The following MYRIP variants were observed in gnomAD, a reference collection of about 807,000 sequenced individuals.
The protein encoded by MYRIP is myosin VIIA and Rab interacting protein.
MYRIP carries 49 observed loss-of-function variants against 98.0 expected under a neutral mutation model. That is an observed-to-expected ratio of 0.50 (90% confidence interval 0.40 to 0.63). The LOEUF (loss-of-function observed/expected upper bound fraction) is 0.63. Ranked by LOEUF, MYRIP falls within the 30% of genes least tolerant of loss-of-function variation. MYRIP has a pLI of 0.00. For missense variants in MYRIP, 1,004 were observed against 1,058.2 expected, an observed-to-expected ratio of 0.95 and a Z score of 0.71; for synonymous variants, 404 against 409.5, an observed-to-expected ratio of 0.99 and a Z score of 0.16.
intron 1 of MYRIP, among the ~76,000 whole-genome samples, chr3:39,811,053 T>C (rs1940669710): frequency 6.6e-6 from 1 of 152,126 alleles, no homozygotes; most frequent in Non-Finnish European, 1.5e-5. Flanking sequence ...CGGGTGTGAT[T>C]CTTTTACTCC....
intron 1 of MYRIP, among the ~76,000 whole-genome samples, chr3:39,887,560 C>T (rs1413029137): frequency 2.0e-5 from 3 of 152,176 alleles, no homozygotes; most frequent in African/African-American, 7.2e-5. Flanking sequence ...GACAAACCCA[C>T]AGCCAATATC....
chr3:40,012,777 C>T (rs1677580217), intron 2 of MYRIP, among the ~76,000 whole-genome samples: 1 of 152,146 alleles, frequency 6.6e-6, no homozygotes, highest in Non-Finnish European at 1.5e-5. Flanking sequence ...CATTGGCTTC[C>T]CTGGTTCTCA....
chr3:40,214,599 G>A (rs1331327705), intron 11 of MYRIP, among the ~76,000 whole-genome samples: 1 of 152,174 alleles, frequency 6.6e-6, no homozygotes, highest in Non-Finnish European at 1.5e-5. Flanking sequence ...GCTGAAGAAC[G>A]AGCTTGGAGC....
chr3:40,089,412 G>T (rs1459570447), intron 3 of MYRIP, among the ~76,000 whole-genome samples: 2 of 152,172 alleles, frequency 1.3e-5, no homozygotes, highest in Non-Finnish European at 2.9e-5. Flanking sequence ...TGCATACAGA[G>T]GCTGTTAGAA....
intron 3 of MYRIP, among the ~76,000 whole-genome samples, chr3:40,093,263 G>T (rs1948761252): frequency 6.6e-6 from 1 of 152,158 alleles, no homozygotes; most frequent in African/African-American, 2.4e-5. Context: ...GTGGCTGCAG[G>T]CTTTTTGCAG....
chr3:40,064,265 G>C (rs1948082882), intron 3 of MYRIP, among the ~76,000 whole-genome samples: 1 of 151,792 alleles, frequency 6.6e-6, no homozygotes, highest in Admixed American at 6.6e-5. Flanking sequence ...GTAAGGGCAG[G>C]AGCAGGATCC....
At chr3:40,056,944 G>T (rs1947897749) in intron 3 of MYRIP, among the ~76,000 whole-genome samples, 1 of 152,144 alleles carries the variant, frequency 6.6e-6, no homozygotes. Context: ...GTTGTTGTGA[G>T]GATTAAATCA....
At chr3:40,004,981 T>C (rs1946601811) in intron 2 of MYRIP, among the ~76,000 whole-genome samples, 1 of 152,272 alleles carries the variant, frequency 6.6e-6, no homozygotes, top group South Asian at 2.1e-4. Flanking sequence ...CATCTTCATG[T>C]CCATACTTAA....
chr3:39,926,658 A>G lies in MYRIP; in HGVS notation c.110+25732A>G, dbSNP rs375890084. Among the ~76,000 whole-genome samples, 4 of 151,906 alleles carry G rather than the reference A, an allele frequency of 2.6e-5. No individual in the cohort carries two copies. In the South Asian group the frequency reaches 8.3e-4, roughly 31 times the overall value. On this transcript the variant is annotated intron_variant, in intron 2 of 16. Transcript: ENST00000302541. ...CAGATGGTTGTAGGTGTGAGGCTCTATGTCTGGATTTTCTATTCTGTTCTG... is the reference window on the plus strand; with the variant it reads ...CAGATGGTTGTAGGTGTGAGGCTCTGTGTCTGGATTTTCTATTCTGTTCTG...
chr3:39,888,706 G>A (rs1455786793), intron 1 of MYRIP, among the ~76,000 whole-genome samples: 1 of 152,112 alleles, frequency 6.6e-6, no homozygotes, highest in Non-Finnish European at 1.5e-5. Flanking sequence ...AAGAACTTCT[G>A]CACAGCAAAA....
chr3:40,152,608 G>A (rs1950144417), intron 4 of MYRIP, among the ~76,000 whole-genome samples: 1 of 152,152 alleles, frequency 6.6e-6, no homozygotes, highest in African/African-American at 2.4e-5. Context: ...GATTGAAGCA[G>A]CTTTAGGTGC....
rs147358655 is a variant in MYRIP, at chr3:40,229,374, G to A, written c.1906-4485G>A. Among the ~76,000 whole-genome samples the A allele has an allele frequency of 4.1e-3, 618 of 152,122 alleles. 2 individuals carry two copies. The highest frequency in any genetic ancestry group is 0.01 in the South Asian group (49 of 4,826). On this transcript the variant is annotated intron_variant, in intron 11 of 16. Transcript: ENST00000302541. ...CCTACAGTCCCTAGAGGAAAAAAAC[G>A]ATAGAGTTGAGATGAATTGCGCAGG...
intron 9 of MYRIP, among the ~76,000 whole-genome samples, chr3:40,184,206 C>T (rs1171485719): frequency 6.6e-6 from 1 of 152,152 alleles, no homozygotes; most frequent in Non-Finnish European, 1.5e-5. Flanking sequence ...CTCATTTTCT[C>T]ACTTCTCTCT....
intron 1 of MYRIP, among the ~76,000 whole-genome samples, chr3:39,827,886 T>C (rs1002905583): frequency 3.9e-5 from 6 of 152,082 alleles, no homozygotes; most frequent in Non-Finnish European, 8.8e-5. Context: ...CAGTTTTTTT[T>C]TCTTTCAGTA....
intron 11 of MYRIP, among the ~76,000 whole-genome samples, chr3:40,223,713 G>T (rs1264470213): frequency 6.6e-6 from 1 of 152,196 alleles, no homozygotes; most frequent in African/African-American, 2.4e-5. Flanking sequence ...TTGAATCCCT[G>T]CTCATTCCCC....
chr3:40,032,918 T>G (rs1183729510), intron 2 of MYRIP, among the ~76,000 whole-genome samples: 1 of 151,980 alleles, frequency 6.6e-6, no homozygotes, highest in Non-Finnish European at 1.5e-5. Context: ...GTTCAATATA[T>G]GCAAATCAAT....
At chr3:39,932,474 C>T (rs1318302682) in intron 2 of MYRIP, among the ~76,000 whole-genome samples, 2 of 152,116 alleles carry the variant, frequency 1.3e-5, no homozygotes, top group Non-Finnish European at 2.9e-5. Flanking sequence ...CATTCTCCTG[C>T]CTCAGCCTCC....
intron 1 of MYRIP, among the ~76,000 whole-genome samples, chr3:39,864,725 C>G (rs1187584636): frequency 6.6e-6 from 1 of 152,008 alleles, no homozygotes; most frequent in Non-Finnish European, 1.5e-5. Context: ...CCATACTGCC[C>G]AAAGCAATTT....
At chr3:40,152,513 T>A (rs573965791) in intron 4 of MYRIP, among the ~76,000 whole-genome samples, 1 of 152,316 alleles carries the variant, frequency 6.6e-6, no homozygotes, top group African/African-American at 2.4e-5. Flanking sequence ...CAGGCATGAA[T>A]CCCAAGTGGG....
Sources: gnomAD v4.1 joint callset for allele counts (sites outside exome capture counted in the v4.1 genomes callset) on GRCh38, gnomAD v4.1.1 for gene constraint, MANE v1.5 for transcripts, NCBI Gene and HGNC (gene_info 2026-07-23, HGNC 2026-07-21) for gene names.